The following CLDN10 variants were observed in gnomAD, a reference collection of about 807,000 sequenced individuals.
The protein encoded by CLDN10 is claudin-10.
CLDN10 carries 15 observed loss-of-function variants against 22.9 expected under a neutral mutation model. That is an observed-to-expected ratio of 0.65 (90% CI 0.44 to 1.01). The LOEUF is 1.01. CLDN10 is among the 50% of genes least tolerant of loss of function. CLDN10 has a pLI of 0.00. For missense variants in CLDN10, 247 were observed against 287.8 expected (o/e 0.86, Z 1.03); for synonymous variants, 114 against 111.4 (o/e 1.02, Z -0.15).
At chr13:95,511,366 T>C (rs1474672442) in intron 1 of CLDN10, among the ~76,000 whole-genome samples, 3 of 151,980 alleles carry the variant, frequency 2.0e-5, no homozygotes, top group African/African-American at 7.2e-5. Context: ...CCTTGTTCTG[T>C]TAGTAAACAA....
At chr13:95,555,047 G>GTTTTTTTTTTTTT (rs71211686) in intron 1 of CLDN10, among the ~76,000 whole-genome samples, 1 of 108,674 alleles carries the variant, frequency 9.2e-6, no homozygotes, top group Admixed American at 1.1e-4. Context: ...TGTTAATCCA[G>GTTTTTTTTTTTTT]TTTTTTTTTT....
chr13:95,458,350 A>T (rs181397756), intron 1 of CLDN10, among the ~76,000 whole-genome samples: 1 of 152,260 alleles, frequency 6.6e-6, no homozygotes, highest in East Asian at 1.9e-4. Context: ...AGTGGTGATC[A>T]TGGCTGTATT....
In CLDN10 at chr13:95,459,073, C is replaced by T. The variant is rs1056754938; in HGVS notation, c.214+25026C>T. 2.4e-4 allele frequency among the ~76,000 whole-genome samples: 36 copies of T among 152,202 alleles called. No individual in the cohort carries two copies. In the East Asian group the frequency reaches 3.3e-3, roughly 14 times the overall value. On this transcript the variant is annotated intron_variant, in intron 1 of 4. Coordinates refer to the CLDN10 transcript ENST00000376873. The stretch of plus-strand genomic sequence containing the variant: ...TAGAGCTCCAAAATATCTCCTTTGA[C>T]GCCATGTCCTACATCCAGGTCACAC...
intron 1 of CLDN10, among the ~76,000 whole-genome samples, chr13:95,519,404 A>G (rs1413350769): frequency 1.3e-5 from 2 of 152,238 alleles, no homozygotes; most frequent in African/African-American, 4.8e-5. Flanking sequence ...GCAGGAACAT[A>G]CAAATCTGAG....
intron 3 of CLDN10, among the ~76,000 whole-genome samples, chr13:95,574,689 G>C (rs1173687343): frequency 6.6e-6 from 1 of 152,114 alleles, no homozygotes; most frequent in Non-Finnish European, 1.5e-5. Flanking sequence ...AGAATCGCTT[G>C]AACTCGGGAG....
intron 3 of CLDN10, among the ~76,000 whole-genome samples, chr13:95,571,317 C>T (rs2043857093): frequency 6.6e-6 from 1 of 152,120 alleles, no homozygotes; most frequent in African/African-American, 2.4e-5. Context: ...TAGGTACCCC[C>T]TCCCAAATGT....
At chr13:95,520,608 G>A (rs563913363) in intron 1 of CLDN10, among the ~76,000 whole-genome samples, 53 of 152,182 alleles carry the variant, frequency 3.5e-4, no homozygotes, top group Non-Finnish European at 5.0e-4. Flanking sequence ...CCTGACCTCC[G>A]GTGATCCACC....
intron 1 of CLDN10, among the ~76,000 whole-genome samples, chr13:95,505,202 ATAGGATGG>A (rs1470774474): frequency 2.6e-5 from 4 of 152,226 alleles, no homozygotes; most frequent in African/African-American, 9.6e-5. Flanking sequence ...AGTCCATGTG[ATAGGATGG>A]TATCAGGTTC....
At position 95,545,002 on chromosome 13, in the gene CLDN10, T is replaced by C. The variant is rs181457924; in HGVS notation, c.215-15130T>C. ...CGTGTTGGCCAAGCTGGTCTCAAAC[T>C]CCTGACCTCAGGTGATCCACCTGCC... On this transcript the variant is annotated intron_variant, in intron 1 of 4. Coordinates refer to the CLDN10 transcript ENST00000376873. Among the ~76,000 whole-genome samples, 20 of 151,854 alleles carry C rather than the reference T, an allele frequency of 1.3e-4. No individual in the cohort carries two copies. In the East Asian group the frequency reaches 3.5e-3, roughly 27 times the overall value.
intron 1 of CLDN10, among the ~76,000 whole-genome samples, chr13:95,532,572 A>G (rs761191010): frequency 3.9e-5 from 6 of 152,140 alleles, no homozygotes; most frequent in African/African-American, 7.2e-5. Context: ...ACTTTGAAAA[A>G]TGGTGAGGTA....
intron 1 of CLDN10, among the ~76,000 whole-genome samples, chr13:95,489,338 A>G (rs887849196): frequency 1.3e-5 from 2 of 151,632 alleles, no homozygotes; most frequent in Non-Finnish European, 2.9e-5. Context: ...CATTCCCACC[A>G]GCAATGCAGA....
At chr13:95,551,892 A>C (rs2138640519), upstream of CLDN10, among the ~76,000 whole-genome samples, 1 of 152,328 alleles carries the variant, frequency 6.6e-6, no homozygotes. Flanking sequence ...GGTTTAAAAA[A>C]AAATAAAAGA....
intron 1 of CLDN10, among the ~76,000 whole-genome samples, chr13:95,535,880 A>G (rs1237877655): frequency 3.3e-5 from 5 of 152,212 alleles, no homozygotes; most frequent in Non-Finnish European, 5.9e-5. Flanking sequence ...AGTATTTCAC[A>G]AAGAAGGAAC....
chr13:95,502,050 G>A (rs993608791), intron 1 of CLDN10, among the ~76,000 whole-genome samples: 1 of 152,058 alleles, frequency 6.6e-6, no homozygotes, highest in African/African-American at 2.4e-5. Context: ...TACAATAGTT[G>A]TGTTCCATTT....
At chr13:95,471,091 G>C (rs912945041) in intron 1 of CLDN10, among the ~76,000 whole-genome samples, 1 of 151,930 alleles carries the variant, frequency 6.6e-6, no homozygotes, top group Non-Finnish European at 1.5e-5. Context: ...CCTCACAGAG[G>C]ATTAGAAGCC....
intron 1 of CLDN10, among the ~76,000 whole-genome samples, chr13:95,553,627 G>A (rs2043596480): frequency 6.6e-6 from 1 of 152,246 alleles, no homozygotes; most frequent in African/African-American, 2.4e-5. Flanking sequence ...TAGCCCTTGC[G>A]GTGCCGCGAT....
chr13:95,560,874 C>T (rs1042997107), intron 3 of CLDN10: 1 of 181,224 alleles, frequency 5.5e-6, no homozygotes, highest in South Asian at 1.2e-4. Flanking sequence ...GTTTCTGGGT[C>T]TTTTAAATTT....
intron 1 of CLDN10, among the ~76,000 whole-genome samples, chr13:95,438,973 CGCAAA>C (rs200714916): frequency 0.032 from 2,820 of 87,710 alleles, 100 homozygotes; most frequent in African/African-American, 0.13. Flanking sequence ...AAGACTCCAT[CGCAAA>C]AAAAAAAAAA....
intron 1 of CLDN10, among the ~76,000 whole-genome samples, chr13:95,515,834 A>G (rs969818799): frequency 6.6e-6 from 1 of 152,076 alleles, no homozygotes; most frequent in Non-Finnish European, 1.5e-5. Context: ...CTTGGCTCCA[A>G]ACTGACAGGC....
Sources: allele counts gnomAD v4.1 joint callset (sites outside exome capture counted in the v4.1 genomes callset), GRCh38; gene constraint gnomAD v4.1.1; transcripts MANE v1.5; gene names NCBI Gene and HGNC (gene_info 2026-07-23, HGNC 2026-07-21).